MAPK8IP3: variants seen among roughly 807,000 people sequenced by gnomAD.
MAPK8IP3 encodes mitogen-activated protein kinase 8 interacting protein 3.
Under a neutral mutation model 157.8 loss-of-function variants are expected in MAPK8IP3, and 49 were observed. That is an observed-to-expected ratio of 0.31 (90% confidence interval 0.25 to 0.39). MAPK8IP3 has a LOEUF of 0.39. MAPK8IP3 is among the 10% of genes least tolerant of loss of function. MAPK8IP3 has a pLI of 1.00. For synonymous variants in MAPK8IP3, 897 were observed against 777.7 expected (o/e 1.15, Z -2.55); for missense variants, 1,478 against 1,889.4 (o/e 0.78, Z 4.04).
At chr16:1,736,557 TGTCCGTGTGTGACC>T (rs2039863994) in intron 4 of MAPK8IP3, among the ~76,000 whole-genome samples, 1 of 46,672 alleles carries the variant, frequency 2.1e-5, no homozygotes, top group African/African-American at 1.1e-4. Context: ...AGCGTGTGAC[TGTCCGTGTGTGACC>T]GTCCGTGTGA....
chr16:1,758,025 A>G (rs1273075107), intron 8 of MAPK8IP3, 123 bp from the exon 9 acceptor site: 1 of 998,440 alleles, frequency 1.0e-6, no homozygotes, highest in Non-Finnish European at 1.6e-6. Flanking sequence ...CCTGCCCTGC[A>G]ACATGGGAGC....
intron 1 of MAPK8IP3, among the ~76,000 whole-genome samples, chr16:1,714,874 A>G (rs536704886): frequency 5.3e-5 from 8 of 152,250 alleles, no homozygotes; most frequent in African/African-American, 1.7e-4. Flanking sequence ...TCAGAAGCCA[A>G]TGTAAACTCC....
Position 1,748,297 on chromosome 16 carries a change from C to A in MAPK8IP3, c.1048C>A (p.Pro350Thr). ...SDVQDIIDST[P>T]ELDMCPETRL... ...TGTTCAAGACATTATTGACTCCACG[C>A]CAGAGCTGGACATGTGTCCAGAGAC... The change falls in exon 7 of 32, where the codon CCA becomes ACA. Residue 350 changes from proline (P) to threonine (T), a missense_variant. By Grantham distance (38) the Pro-to-Thr change is conservative. This residue lies in a region of MAPK8IP3 where 315 missense variants were observed against 394.4 expected (regional missense o/e 0.80). Transcript: ENST00000610761. 2 of 1,614,016 alleles carry A rather than the reference C, an allele frequency of 1.2e-6. No individual in the cohort carries two copies. The highest frequency in any genetic ancestry group is 1.7e-6 in the Non-Finnish European group (2 of 1,180,022).
chr16:1,768,447 C>G, intron 30 of MAPK8IP3, 30 bp from the exon 31 acceptor site: 2 of 1,588,374 alleles, frequency 1.3e-6, no homozygotes, highest in Non-Finnish European at 1.7e-6. Flanking sequence ...CCCAGGAGGC[C>G]GCTGTCCTGA....
At chr16:1,755,118 G>T (rs541491931) in intron 8 of MAPK8IP3, among the ~76,000 whole-genome samples, 1 of 152,330 alleles carries the variant, frequency 6.6e-6, no homozygotes, top group African/African-American at 2.4e-5. Context: ...TGCGGCAGTT[G>T]AGGCAGGCAG....
intron 16 of MAPK8IP3, 42 bp from the exon 17 acceptor site, chr16:1,763,615 C>A: frequency 6.8e-7 from 1 of 1,480,960 alleles, no homozygotes; most frequent in South Asian, 1.3e-5. Context: ...GTGGGGGCCG[C>A]TCACCCTGGA....
In MAPK8IP3 at chr16:1,706,383, A is replaced by C; in HGVS notation, c.44A>C (p.Tyr15Ser). Residue 15 changes from tyrosine to serine, a missense_variant, in exon 1 of 32, where the codon TAC becomes TCC. This residue lies in a region of MAPK8IP3 where 29 missense variants were observed against 29.8 expected (regional missense o/e 0.97). Coordinates refer to ENST00000610761, the MANE Select transcript of MAPK8IP3 (RefSeq NM_001318852.2). This position sits in a 1 kb window ranked among gnomAD's most constrained non-coding sequence, Gnocchi z 5.1. ...GACGAGGGCGGCGGCGTGGTGGTGT[A>C]CCAGGACGACTACTGCTCCGGCTCG... The part of the protein sequence containing the change: ...QMDEGGGVVV[Y>S]QDDYCSGSVM... 1 of 1,611,706 alleles carries C rather than the reference A, an allele frequency of 6.2e-7. No homozygotes were observed. Among genetic ancestry groups the C allele is most frequent in the Non-Finnish European group, 8.5e-7 (1 of 1,179,346 alleles).
intron 5 of MAPK8IP3, chr16:1,745,176 C>T (rs758150865): frequency 6.2e-5 from 61 of 985,182 alleles, no homozygotes; most frequent in South Asian, 9.4e-5. Context: ...CTAGGGGAGG[C>T]GCAATCAGAC....
chr16:1,748,673 C>A lies in MAPK8IP3; in HGVS notation c.1169C>A (p.Ala390Glu). The change falls in exon 8 of 32, where the codon GCA becomes GAA. Residue 390 changes from alanine (A) to glutamate (E), a missense_variant. This residue lies in a region of MAPK8IP3 where 315 missense variants were observed against 394.4 expected (regional missense o/e 0.80). Transcript: ENST00000610761. ...TDSLYHELSTAGSEVIGDVDE... is the reference protein window; with the variant it reads ...TDSLYHELSTEGSEVIGDVDE... ...TCCCTGTACCATGAGCTGTCGACGG[C>A]AGGGTCTGAGGTCATCGGGGATGTG... 6.2e-7 allele frequency: 1 copy of A among 1,614,220 alleles called. No individual in the cohort carries two copies. The highest frequency in any genetic ancestry group is 8.5e-7 in the Non-Finnish European group (1 of 1,180,042).
rs2039113463 is a variant in MAPK8IP3 at position 1,729,118 on chromosome 16, A to G, written c.440-20A>G. 12 of 1,612,054 alleles carry G rather than the reference A, an allele frequency of 7.4e-6. No individual in the cohort carries two copies. Among genetic ancestry groups the G allele is most frequent in the Non-Finnish European group, 1.0e-5 (12 of 1,178,152 alleles). On this transcript the variant is annotated intron_variant, in intron 2 of 31. Transcript: ENST00000610761. ...TGGAGAAGCGTCTTGTGCGGCTCAG[A>G]CAGTGATTGTGTTTTCCAGTTTCCC... is the stretch of plus-strand genomic sequence containing the variant.
Position 1,706,763 on chromosome 16 carries a change from C to A in MAPK8IP3, c.318+106C>A. The A allele has an allele frequency of 7.8e-7, 1 of 1,274,276 alleles. No homozygotes were observed. The highest frequency in any genetic ancestry group is 1.0e-6 in the Non-Finnish European group (1 of 960,930). 78.9% of individuals were successfully genotyped at this position (1,274,276 alleles called of 1,614,324 possible). A position where few individuals can be genotyped will look rare whatever the true frequency, so the allele number is the denominator to read the frequency against. On this transcript the variant is annotated intron_variant, in intron 1 of 31. Coordinates refer to ENST00000610761, the MANE Select transcript of MAPK8IP3 (RefSeq NM_001318852.2). This position sits in a 1 kb window ranked among gnomAD's most constrained non-coding sequence, Gnocchi z 5.1. ...GACCCCAGACCCCGCTCCGGCACCC[C>A]GGACCGCGGGACCCCTGGACCCCCA...
intron 8 of MAPK8IP3, 141 bp from the exon 9 acceptor site, chr16:1,758,007 C>T (rs2041713149): frequency 3.6e-6 from 3 of 834,690 alleles, no homozygotes; most frequent in Non-Finnish European, 5.9e-6. Context: ...AGGCTGCTCC[C>T]TCTCTCTCCT....
chr16:1,714,838 C>T (rs973972733), intron 1 of MAPK8IP3, among the ~76,000 whole-genome samples: 7 of 152,020 alleles, frequency 4.6e-5, no homozygotes, highest in African/African-American at 1.2e-4. Flanking sequence ...CAGAGGGAGT[C>T]GGAGGTTGGG....
Position 1,766,379 on chromosome 16 carries a change from C to T in MAPK8IP3, c.2789C>T (p.Pro930Leu), listed in dbSNP as rs770246087. The T allele has an allele frequency of 8.1e-6, 13 of 1,611,648 alleles. No homozygotes were observed. In the African/African-American group the frequency reaches 1.2e-4, roughly 15 times the overall value. Residue 930 changes from proline (P) to leucine (L), a missense_variant, in exon 22 of 32, where the codon CCG (proline) becomes CTG (leucine). Physicochemically the swap from Pro to Leu is moderately conservative, Grantham distance 98. Around this residue, in one of 11 missense-constraint regions of MAPK8IP3, gnomAD observed 669 missense variants for 759.8 expected, o/e 0.88. Coordinates refer to ENST00000610761, the MANE Select transcript of MAPK8IP3 (RefSeq NM_001318852.2). ...LTEHVFTDPAPTPSSGPQPGS... is the reference protein window; with the variant it reads ...LTEHVFTDPALTPSSGPQPGS... ...GAGCACGTCTTCACTGACCCAGCCC[C>T]GACCCCGTCCTCTGGCCCCCAGCCT...
chr16:1,739,711 CGT>C (rs1356181333), intron 4 of MAPK8IP3, among the ~76,000 whole-genome samples: 32 of 119,696 alleles, frequency 2.7e-4, no homozygotes, highest in Non-Finnish European at 3.3e-5. Context: ...TGTGACCGTC[CGT>C]GTGAGCATCT....
chr16:1,726,758 C>T (rs764887546), intron 2 of MAPK8IP3, among the ~76,000 whole-genome samples: 5 of 152,196 alleles, frequency 3.3e-5, no homozygotes, highest in Admixed American at 1.3e-4. Flanking sequence ...GAGCAGGCCC[C>T]GGGCTCCCTC....
At chr16:1,729,805 C>T (rs377160289) in intron 4 of MAPK8IP3, among the ~76,000 whole-genome samples, 1 of 152,126 alleles carries the variant, frequency 6.6e-6, no homozygotes, top group South Asian at 2.1e-4. Context: ...CCGTGTGTCC[C>T]TTCTGCTCGG....
chr16:1,729,239 G>C (rs752486943), intron 3 of MAPK8IP3, 31 bp downstream of exon 3: 4 of 1,612,384 alleles, frequency 2.5e-6, no homozygotes, highest in South Asian at 1.1e-5. Context: ...GCGGAGACGA[G>C]GGTTGGAGAC....
chr16:1,740,160 CCGTGTGAGCATCTGTGTGACCGTT>C (rs1202702533), intron 4 of MAPK8IP3, among the ~76,000 whole-genome samples: 8 of 127,744 alleles, frequency 6.3e-5, no homozygotes, highest in African/African-American at 2.4e-4. Flanking sequence ...GTGTGACCGT[CCGTGTGAGCATCTGTGTGACCGTT>C]CGTGTGAGTG....
Sources: gnomAD v4.1 joint callset for allele counts (sites outside exome capture counted in the v4.1 genomes callset) on GRCh38, gnomAD v4.1.1 for gene constraint, gnomAD v4.1.1 regional missense constraint, Gnocchi (gnomAD v3.1) non-coding constraint, MANE v1.5 for transcripts, NCBI Gene and HGNC (gene_info 2026-07-23, HGNC 2026-07-21) for gene names.